TRMT2B: variants seen among roughly 807,000 people sequenced by gnomAD.
TRMT2B encodes the protein tRNA (uracil-5-)-methyltransferase homolog B.
A neutral mutation model predicts 39.7 loss-of-function variants in TRMT2B; 34 were observed. The ratio of observed to expected loss-of-function variants is 0.86; its 90% confidence interval spans 0.65 to 1.14. The LOEUF is 1.14. Ranked by LOEUF, TRMT2B falls within the 50% of genes most tolerant of loss-of-function variation. The pLI is 0.00. For missense variants in TRMT2B, 318 were observed against 377.2 expected (o/e 0.84, Z 1.30); for synonymous variants, 132 against 137.3 (o/e 0.96, Z 0.27).
intron 7 of TRMT2B, among the ~76,000 whole-genome samples, chrX:101,030,302 C>A (rs1466427840): frequency 5.4e-5 from 6 of 110,250 alleles, no homozygotes; most frequent in Non-Finnish European, 1.1e-4. Context: ...ATGTCTTCAT[C>A]CTACCAAAAA....
chrX:101,007,230 C>G (rs1322396293), downstream of TRMT2B, among the ~76,000 whole-genome samples: 11 of 111,747 alleles, frequency 9.8e-5, no homozygotes, highest in African/African-American at 3.6e-4. Context: ...GTAAATAGGA[C>G]CAAAAGGGAA....
chrX:101,021,782 G>C (rs1200178918), intron 9 of TRMT2B, among the ~76,000 whole-genome samples, 186 bp downstream of exon 9: 1 of 112,735 alleles, frequency 8.9e-6, no homozygotes, highest in Non-Finnish European at 1.9e-5. Context: ...TTCCCCCTCA[G>C]GGGATGAAAG....
chrX:100,994,701 C>T, the TRMT2B span, among the ~76,000 whole-genome samples: 1 of 111,766 alleles, frequency 8.9e-6, no homozygotes, highest in African/African-American at 3.2e-5. Context: ...GCATGGAAAC[C>T]AGTAGTAGCT....
At chrX:100,987,702 C>T in the TRMT2B span, 12 of 590,985 alleles carry the variant, frequency 2.0e-5, no homozygotes, top group Non-Finnish European at 5.1e-6. Flanking sequence ...GGGGCTAGGG[C>T]AGTGCCCACC....
At chrX:101,036,774 C>T (rs927535080) in intron 6 of TRMT2B, among the ~76,000 whole-genome samples, 200 bp downstream of exon 6, 1 of 111,703 alleles carries the variant, frequency 9.0e-6, no homozygotes, top group Admixed American at 9.7e-5. Flanking sequence ...GAAGAAAGGG[C>T]GAGGGTTGCA....
chrX:101,015,750 G>T (rs954914861), intron 13 of TRMT2B: 1 of 273,108 alleles, frequency 3.7e-6, no homozygotes, highest in African/African-American at 3.0e-5. Context: ...ATAAATTAAT[G>T]ATTTTTTTAA....
chrX:101,001,511 C>G, the TRMT2B span, among the ~76,000 whole-genome samples: 1 of 110,673 alleles, frequency 9.0e-6, no homozygotes, highest in South Asian at 3.8e-4. Context: ...GCTGGGATTA[C>G]AGGCGTGAGT....
intron 13 of TRMT2B, among the ~76,000 whole-genome samples, chrX:101,011,751 G>A (rs911942411): frequency 4.5e-5 from 5 of 111,226 alleles, no homozygotes; most frequent in Admixed American, 1.9e-4. Flanking sequence ...AAAACTAGCC[G>A]GGCATGGTGG....
intron 2 of TRMT2B, among the ~76,000 whole-genome samples, chrX:101,049,420 C>T (rs1184446885): frequency 1.0e-5 from 1 of 96,568 alleles, no homozygotes; most frequent in Admixed American, 1.3e-4. Flanking sequence ...ACAAGTCCAG[C>T]AGTTGAAGGC....
chrX:101,034,141 C>T (rs2087681772), intron 7 of TRMT2B, among the ~76,000 whole-genome samples: 2 of 45,119 alleles, frequency 4.4e-5, no homozygotes, highest in African/African-American at 1.9e-4. Flanking sequence ...CGTGCCTGGC[C>T]TACATTTTTT....
chrX:100,991,537 G>C, the TRMT2B span, among the ~76,000 whole-genome samples: 767 of 110,500 alleles, frequency 6.9e-3, 12 homozygotes, highest in African/African-American at 0.025. Flanking sequence ...CACCACCACG[G>C]CCAGCTTTTT....
At chrX:101,028,261 G>A (rs1466866613) in intron 7 of TRMT2B, among the ~76,000 whole-genome samples, 2 of 108,818 alleles carry the variant, frequency 1.8e-5, no homozygotes, top group Non-Finnish European at 3.8e-5. Flanking sequence ...TGGGATTACA[G>A]GTGCCCACCA....
chrX:100,987,563 A>C, the TRMT2B span: 3 of 1,206,216 alleles, frequency 2.5e-6, no homozygotes, highest in South Asian at 5.3e-5. Flanking sequence ...ACAGGTACTG[A>C]GATGCCGCTA....
chrX:101,033,212 C>T (rs1294702168), intron 7 of TRMT2B, among the ~76,000 whole-genome samples: 5 of 104,492 alleles, frequency 4.8e-5, no homozygotes, highest in Non-Finnish European at 7.8e-5. Context: ...GCCAAGACTG[C>T]GCCATTGTAA....
At chrX:100,973,629 TA>T in the TRMT2B span, 1 of 1,143,248 alleles carries the variant, frequency 8.7e-7, no homozygotes, top group Non-Finnish European at 1.2e-6. Flanking sequence ...GCTCAGTGTT[TA>T]TAACAGGACT....
At chrX:101,030,454 C>CTTTTTTT (rs1331923176) in intron 7 of TRMT2B, among the ~76,000 whole-genome samples, 52 of 71,844 alleles carry the variant, frequency 7.2e-4, no homozygotes, top group African/African-American at 3.3e-3. Context: ...GATCTGCATT[C>CTTTTTTT]TTTTTTTTTT....
In TRMT2B at chrX:101,021,122, G is replaced by C. The variant is rs1294403974; in HGVS notation, c.1045C>G (p.Leu349Val). The change falls in exon 10 of 14, where the codon CTT becomes GTT. Residue 349 changes from leucine to valine, a missense_variant. By Grantham distance (32) the Leu-to-Val change is conservative (BLOSUM62 1). Coordinates refer to ENST00000372936, the MANE Select transcript of TRMT2B (RefSeq NM_024917.6). ...TTGCCAGTTCCACAGCAGATGTCAA[G>C]AAGGATGGTGTCAGAGTTCACTCCA... The part of the protein sequence containing the change: ...LTGVNSDTIL[L>V]DICCGTGVIG... 1 of 1,211,044 alleles carries C rather than the reference G, an allele frequency of 8.3e-7. No individual in the cohort carries two copies.
rs1327555426 is a variant in TRMT2B at position 101,051,575 on chromosome X, C to G, written c.-348G>C. On this transcript the variant is annotated 5_prime_UTR_variant, in exon 2 of 14. Transcript: ENST00000372936. ...CACTAAACTTGGCCGGTCTGCAGGG[C>G]CCGGGAAGGACAGAAAGTAAGGGAG... 1.3e-6 allele frequency: 1 copy of G among 753,153 alleles called. No homozygotes were observed. Among genetic ancestry groups the G allele is most frequent in the Non-Finnish European group, 1.6e-6 (1 of 639,352 alleles). 62.1% of individuals were successfully genotyped at this position (753,153 alleles called of 1,213,427 possible).
intron 7 of TRMT2B, among the ~76,000 whole-genome samples, chrX:101,024,731 G>A (rs1201711215): frequency 9.0e-6 from 1 of 111,100 alleles, no homozygotes; most frequent in Admixed American, 9.7e-5. Context: ...GCTGAGGCAG[G>A]AGAATTGCTT....
Sources: gnomAD v4.1 joint callset for allele counts (sites outside exome capture counted in the v4.1 genomes callset) on GRCh38, gnomAD v4.1.1 for gene constraint, MANE v1.5 for transcripts, NCBI Gene and HGNC (gene_info 2026-07-23, HGNC 2026-07-21) for gene names.